The following NBN variants were observed in gnomAD, a reference collection of about 807,000 sequenced individuals.
NBN encodes the protein Nijmegen breakage syndrome 1 (nibrin).
A neutral mutation model predicts 90.8 loss-of-function variants in NBN; 88 were observed. The observed-to-expected ratio is 0.97, with a 90% confidence interval of 0.82 to 1.16. NBN has a LOEUF of 1.16. Among genes scored for constraint, NBN ranks in the 50% most tolerant of loss-of-function variants. The pLI is 0.00. For synonymous variants in NBN, 328 were observed against 295.1 expected, an observed-to-expected ratio of 1.11 and a Z score of -1.14; for missense variants, 894 against 869.6, an observed-to-expected ratio of 1.03 and a Z score of -0.35.
At chr8:89,937,000 C>T (rs1295318021) in intron 15 of NBN, 26 bp downstream of exon 15, 2 of 1,551,978 alleles carry the variant, frequency 1.3e-6, no homozygotes, top group African/African-American at 1.4e-5. Flanking sequence ...CTCAAAGGTA[C>T]ATGAGAAAGG....
intron 7 of NBN, among the ~76,000 whole-genome samples, chr8:89,967,547 G>C (rs894632738): frequency 6.6e-6 from 1 of 152,160 alleles, no homozygotes; most frequent in Non-Finnish European, 1.5e-5. Context: ...CAAGGATTAT[G>C]ATTCATCCAA....
chr8:89,935,059 G>T lies in NBN; in HGVS notation c.*523C>A, dbSNP rs918460546. The T allele has an allele frequency of 8.6e-6, 2 of 233,498 alleles. No individual in the cohort carries two copies. The highest frequency in any genetic ancestry group is 6.1e-5 in the East Asian group (1 of 16,366). 14.5% of individuals were successfully genotyped at this position (233,498 alleles called of 1,614,324 possible). On this transcript the variant is annotated 3_prime_UTR_variant, in exon 16 of 16. Transcript: ENST00000265433. The stretch of plus-strand genomic sequence containing the variant: ...GGTAAGACTACAGCATAATGGAAAA[G>T]AAAAAATATTAAAAACATTATATTG...
chr8:89,946,612 G>C (rs1005996124), intron 12 of NBN: 1 of 288,404 alleles, frequency 3.5e-6, no homozygotes, highest in African/African-American at 2.3e-5. Flanking sequence ...TTTACCTCCA[G>C]ATATATATCT....
chr8:89,976,068 T>C (rs1373829297), intron 5 of NBN, among the ~76,000 whole-genome samples: 4 of 152,156 alleles, frequency 2.6e-5, no homozygotes, highest in African/African-American at 7.2e-5. Flanking sequence ...CTCAGCTCAC[T>C]GCAACCTCCA....
At chr8:89,974,607 A>C (rs567545611) in intron 5 of NBN, among the ~76,000 whole-genome samples, 3 of 152,304 alleles carry the variant, frequency 2.0e-5, no homozygotes, top group Admixed American at 2.0e-4. Flanking sequence ...TCTCTGACCA[A>C]GTCCCATAGG....
chr8:89,954,616 C>T (rs1479594844), intron 10 of NBN, among the ~76,000 whole-genome samples: 2 of 151,516 alleles, frequency 1.3e-5, no homozygotes, highest in Non-Finnish European at 2.9e-5. Flanking sequence ...GCATGAAACC[C>T]CTGTGGAAAA....
intron 15 of NBN, 60 bp from the exon 16 acceptor site, chr8:89,935,672 G>A: frequency 6.3e-7 from 1 of 1,586,610 alleles, no homozygotes; most frequent in Non-Finnish European, 8.6e-7. Flanking sequence ...TTCTTTTAAA[G>A]GTAAAGAACT....
rs587780555 is a variant in NBN, at chr8:89,953,700, TAAAA to T, written c.1398-13_1398-10del. 1 of 1,582,174 alleles carries T rather than the reference TAAAA, an allele frequency of 6.3e-7. No individual in the cohort carries two copies. The highest frequency in any genetic ancestry group is 8.6e-7 in the Non-Finnish European group (1 of 1,160,874). On this transcript the variant is annotated splice_polypyrimidine_tract_variant and intron_variant, in intron 10 of 15. Coordinates refer to ENST00000265433, the MANE Select transcript of NBN (RefSeq NM_002485.5). ...TTTCTTCATCCCTTTCCCTTAGATT[TAAAA>T]AAAAAGAAGAAAACAAAACAAGAAA...
At chr8:89,955,651 C>T (rs548875993) in intron 9 of NBN, 96 bp from the exon 10 acceptor site, 52 of 1,333,230 alleles carry the variant, frequency 3.9e-5, no homozygotes, top group Non-Finnish European at 5.2e-5. Context: ...CGTAATATAA[C>T]CTTAGAAGAT....
chr8:89,952,819 T>G (rs998833606), intron 11 of NBN, among the ~76,000 whole-genome samples: 2 of 152,144 alleles, frequency 1.3e-5, no homozygotes, highest in Non-Finnish European at 2.9e-5. Context: ...TCAACAGTCA[T>G]GAAAATAGAC....
chr8:89,983,746 C>T (rs1425415794), intron 1 of NBN, among the ~76,000 whole-genome samples: 1 of 151,998 alleles, frequency 6.6e-6, no homozygotes, highest in Non-Finnish European at 1.5e-5. Flanking sequence ...ATTTCATTAC[C>T]CGAGTGGCAG....
chr8:89,956,725 G>C (rs1444688401), intron 9 of NBN, among the ~76,000 whole-genome samples: 3 of 152,198 alleles, frequency 2.0e-5, no homozygotes, highest in African/African-American at 7.2e-5. Context: ...CCAAACTACA[G>C]CCTGTAGGCC....
In NBN at chr8:89,946,453, T is replaced by C. The variant is rs1278082264; in HGVS notation, c.1915-158A>G. ...GAACTTTGTATTTGGAATCAAATTG[T>C]AGCTAATTCAAGATAAGAAAATTAC... is the stretch of plus-strand genomic sequence containing the variant. On this transcript the variant is annotated intron_variant, in intron 12 of 15. Transcript: ENST00000265433. 2.8e-5 allele frequency: 19 copies of C among 668,136 alleles called. No homozygotes were observed. In the East Asian group the frequency reaches 5.2e-4, roughly 18 times the overall value. 41.4% of individuals were successfully genotyped at this position (668,136 alleles called of 1,614,324 possible). A position where few individuals can be genotyped will look rare whatever the true frequency, so the allele number is the denominator to read the frequency against.
intron 8 of NBN, among the ~76,000 whole-genome samples, chr8:89,960,054 G>C (rs1227121006): frequency 6.6e-6 from 1 of 152,158 alleles, no homozygotes; most frequent in Admixed American, 6.5e-5. Context: ...CCAGTACCTA[G>C]AGCAATATTT....
intron 14 of NBN, among the ~76,000 whole-genome samples, chr8:89,941,450 A>C (rs1391317776): frequency 1.3e-5 from 2 of 152,238 alleles, no homozygotes; most frequent in Non-Finnish European, 2.9e-5. Flanking sequence ...GTTAATATGA[A>C]GTTTAAAACT....
chr8:89,984,283 G>A (rs1812222057), intron 1 of NBN: 6 of 596,902 alleles, frequency 1.0e-5, no homozygotes, highest in Non-Finnish European at 1.5e-5. Flanking sequence ...GGGGAGGGGC[G>A]CGGAGGACTG....
chr8:89,956,676 T>C (rs1435677862), intron 9 of NBN, among the ~76,000 whole-genome samples: 1 of 152,180 alleles, frequency 6.6e-6, no homozygotes, highest in African/African-American at 2.4e-5. Context: ...TCCATGTACA[T>C]TTGCAAGGAA....
chr8:89,951,707 TG>T (rs1810456088), intron 11 of NBN, among the ~76,000 whole-genome samples: 1 of 152,138 alleles, frequency 6.6e-6, no homozygotes, highest in Admixed American at 6.5e-5. Flanking sequence ...ACAAATCTCT[TG>T]TTTCACTTAG....
At position 89,984,664 on chromosome 8, in the gene NBN, G is replaced by C. The variant is rs1812252264; in HGVS notation, c.-103C>G. 6.5e-7 allele frequency: 1 copy of C among 1,534,532 alleles called. No individual in the cohort carries two copies. Among genetic ancestry groups the C allele is most frequent in the African/African-American group, 1.4e-5 (1 of 72,688 alleles). On this transcript the variant is annotated 5_prime_UTR_variant, in exon 1 of 16. Transcript: ENST00000265433. ...GCGGTCGGCATGGGCTCCGGGACGTGCGCGCTCCCGGGAGCCACGCAGGCT... is the reference window on the plus strand; with the variant it reads ...GCGGTCGGCATGGGCTCCGGGACGTCCGCGCTCCCGGGAGCCACGCAGGCT...
Sources: gnomAD v4.1 joint callset for allele counts (sites outside exome capture counted in the v4.1 genomes callset) on GRCh38, gnomAD v4.1.1 for gene constraint, MANE v1.5 for transcripts, NCBI Gene and HGNC (gene_info 2026-07-23, HGNC 2026-07-21) for gene names.